DYNC1I1: variants seen among roughly 807,000 people sequenced by gnomAD.
DYNC1I1 encodes the protein dynein cytoplasmic 1 intermediate chain 1, also known as cytoplasmic dynein 1 intermediate chain 1.
In DYNC1I1, 43 loss-of-function variants were observed where a neutral mutation model predicts 86.6. That is an observed-to-expected ratio of 0.50 (90% CI 0.39 to 0.64). DYNC1I1 has a LOEUF of 0.64. Ranked by LOEUF, DYNC1I1 falls within the 30% of genes least tolerant of loss-of-function variation. The probability of loss-of-function intolerance (pLI) is 0.00; values close to 1 mark genes in which losing one functional copy is unlikely to be tolerated. For missense variants in DYNC1I1, 604 were observed against 788.8 expected (o/e 0.77, Z 2.81); for synonymous variants, 262 against 283.7 (o/e 0.92, Z 0.77).
At chr7:95,818,597 C>G in intron 4 of DYNC1I1, 1 of 602,330 alleles carries the variant, frequency 1.7e-6, no homozygotes, top group South Asian at 2.1e-5. Context: ...CCTCCTGCCT[C>G]TCCCTCCCAA....
intron 10 of DYNC1I1, 133 bp from the exon 11 acceptor site, chr7:96,028,042 G>A: frequency 7.6e-7 from 1 of 1,312,134 alleles, no homozygotes; most frequent in East Asian, 2.4e-5. Context: ...CACTTTTACA[G>A]TCCCAGCTTT....
intron 14 of DYNC1I1, among the ~76,000 whole-genome samples, chr7:96,075,244 C>A (rs761747727): frequency 6.6e-6 from 1 of 152,178 alleles, no homozygotes; most frequent in Non-Finnish European, 1.5e-5. Flanking sequence ...TTGTATCCCT[C>A]TGGAGTGGAA....
At chr7:95,826,706 G>T (rs575594509) in intron 4 of DYNC1I1, among the ~76,000 whole-genome samples, 1 of 152,282 alleles carries the variant, frequency 6.6e-6, no homozygotes, top group African/African-American at 2.4e-5. Context: ...GGAAGGAAAT[G>T]AAGAGTGATA....
At chr7:95,891,049 A>AT (rs1466536634) in intron 6 of DYNC1I1, among the ~76,000 whole-genome samples, 1 of 152,194 alleles carries the variant, frequency 6.6e-6, no homozygotes, top group African/African-American at 2.4e-5. Context: ...AAATGAGGTC[A>AT]TTAGAGTGGG....
intron 6 of DYNC1I1, among the ~76,000 whole-genome samples, chr7:95,955,555 G>T (rs990057294): frequency 6.6e-6 from 1 of 151,954 alleles, no homozygotes; most frequent in Non-Finnish European, 1.5e-5. Context: ...CAAACTCCTG[G>T]CCTCGAGCAA....
rs145279439 is a variant in DYNC1I1, at chr7:95,827,937, A to G, written c.315-120A>G. The G allele has an allele frequency of 3.2e-4, 278 of 867,044 alleles. No homozygotes were observed. The East Asian group carries it at 6.2e-3, about 19-fold the overall frequency. 53.7% of individuals were successfully genotyped at this position (867,044 alleles called of 1,614,324 possible). A position where few individuals can be genotyped will look rare whatever the true frequency, so the allele number is the denominator to read the frequency against. On this transcript the variant is annotated intron_variant, in intron 4 of 16. Coordinates refer to ENST00000447467, the MANE Select transcript of DYNC1I1 (RefSeq NM_001135556.2). The stretch of plus-strand genomic sequence containing the variant: ...GGGGTGGAGGGGATGGAAGGGGGAC[A>G]TGTTCTGTGTATGTATTGTATATGC...
rs183554879 is a variant in DYNC1I1, at chr7:95,909,056, G to A, written c.490+39058G>A. Among the ~76,000 whole-genome samples, 402 of 151,666 alleles carry A rather than the reference G, an allele frequency of 2.7e-3. 3 individuals are homozygous for A. The highest frequency in any genetic ancestry group is 3.5e-3 in the Non-Finnish European group (235 of 67,920). ...TTTGTTCCTGGAACAGACCAAAAAG[G>A]GAGGATGTGAAGACTGATGAAATAC... is the stretch of plus-strand genomic sequence containing the variant. On this transcript the variant is annotated intron_variant, in intron 6 of 16. Coordinates refer to ENST00000447467, the MANE Select transcript of DYNC1I1 (RefSeq NM_001135556.2).
At chr7:95,894,387 C>A (rs189098631) in intron 6 of DYNC1I1, among the ~76,000 whole-genome samples, 1 of 151,830 alleles carries the variant, frequency 6.6e-6, no homozygotes, top group Non-Finnish European at 1.5e-5. Context: ...GAGTACCAAT[C>A]CCCAGTTATC....
chr7:96,079,222 G>A (rs73708463), intron 15 of DYNC1I1, among the ~76,000 whole-genome samples: 1,525 of 152,200 alleles, frequency 0.01, 26 homozygotes, highest in African/African-American at 0.034. Context: ...ACAAAATGCC[G>A]GTGGTGCTAA....
At chr7:95,892,370 C>T (rs545276152) in intron 6 of DYNC1I1, among the ~76,000 whole-genome samples, 16 of 151,684 alleles carry the variant, frequency 1.1e-4, no homozygotes, top group East Asian at 5.9e-4. Context: ...AGTGCAGTGG[C>T]GGTGATCTCG....
chr7:95,954,915 C>CA (rs58435060), intron 6 of DYNC1I1, among the ~76,000 whole-genome samples: 44,262 of 81,522 alleles, frequency 0.54, 12,733 homozygotes, highest in East Asian at 0.75. Context: ...GACTCTGTCT[C>CA]AAAAAAAAAA....
intron 1 of DYNC1I1, among the ~76,000 whole-genome samples, chr7:95,792,009 A>G (rs1794315990): frequency 6.6e-6 from 1 of 152,252 alleles, no homozygotes; most frequent in Non-Finnish European, 1.5e-5. Flanking sequence ...AAAGTTCTCA[A>G]AATTTTAGTG....
At chr7:96,090,175 A>T (rs911348263) in intron 16 of DYNC1I1, among the ~76,000 whole-genome samples, 1 of 152,178 alleles carries the variant, frequency 6.6e-6, no homozygotes. Flanking sequence ...AGATTTTAAT[A>T]CAAATGTGAA....
chr7:96,105,466 T>C (rs1305695180), intron 16 of DYNC1I1, among the ~76,000 whole-genome samples: 3 of 152,256 alleles, frequency 2.0e-5, no homozygotes, highest in South Asian at 2.1e-4. Context: ...ATTATGCTGG[T>C]TGACATTTTT....
chr7:96,045,202 G>T (rs964445177), intron 14 of DYNC1I1, among the ~76,000 whole-genome samples: 1 of 152,206 alleles, frequency 6.6e-6, no homozygotes, highest in Admixed American at 6.5e-5. Flanking sequence ...TTGAATAAGA[G>T]AATTAGTAAC....
chr7:95,828,663 C>T (rs1795255847), intron 5 of DYNC1I1, among the ~76,000 whole-genome samples: 1 of 151,944 alleles, frequency 6.6e-6, no homozygotes, highest in Non-Finnish European at 1.5e-5. Flanking sequence ...ATTTCAAATA[C>T]TAGATGTTGA....
At chr7:95,869,768 C>A in intron 5 of DYNC1I1, 115 bp from the exon 6 acceptor site, 2 of 1,040,308 alleles carry the variant, frequency 1.9e-6, no homozygotes, top group Non-Finnish European at 2.9e-6. Flanking sequence ...GCCCCTTGCA[C>A]TCAGAAGCTG....
intron 5 of DYNC1I1, 147 bp from the exon 6 acceptor site, chr7:95,869,736 G>A (rs1257977197): frequency 7.7e-6 from 6 of 780,656 alleles, no homozygotes; most frequent in Non-Finnish European, 1.2e-5. Flanking sequence ...CCAGCCCAGA[G>A]CCAGTTCTGC....
chr7:95,963,436 T>A (rs1436505831), intron 6 of DYNC1I1, among the ~76,000 whole-genome samples: 5 of 152,190 alleles, frequency 3.3e-5, no homozygotes, highest in African/African-American at 1.2e-4. Flanking sequence ...TGTGTTCAAT[T>A]ATAATGAATA....
Sources: allele counts gnomAD v4.1 joint callset (sites outside exome capture counted in the v4.1 genomes callset), GRCh38; gene constraint gnomAD v4.1.1; transcripts MANE v1.5; gene names NCBI Gene and HGNC (gene_info 2026-07-23, HGNC 2026-07-21).